The following MAP3K2 variants were observed in gnomAD, a reference collection of about 807,000 sequenced individuals.
MAP3K2 encodes mitogen-activated protein kinase kinase kinase 2.
In MAP3K2, 24 loss-of-function variants were observed where a neutral mutation model predicts 80.3. That is an observed-to-expected ratio of 0.30 (90% CI 0.22 to 0.42). The LOEUF is 0.42. Among genes scored for constraint, MAP3K2 ranks in the 10% least tolerant of loss-of-function variants. MAP3K2 has a pLI of 1.00. For missense variants in MAP3K2, 608 were observed against 750.1 expected (o/e 0.81, Z 2.21); for synonymous variants, 244 against 253.7 (o/e 0.96, Z 0.36).
Position 127,322,387 on chromosome 2 carries a change from T to TG in MAP3K2, c.839-136dup, listed in dbSNP as rs1353190350. On this transcript the variant is annotated intron_variant, in intron 11 of 16. Coordinates refer to ENST00000682094, the MANE Select transcript of MAP3K2 (RefSeq NM_001371910.2). This position sits in a 1 kb window ranked among gnomAD's most constrained non-coding sequence, Gnocchi z 4.2. Reference sequence around the variant, plus strand: ...AGAAACTCAAATAGGAATGATTGGGTGGGAAAAAATAAACAGGATCTGAAT... The same window carrying TG: ...AGAAACTCAAATAGGAATGATTGGGTGGGGAAAAAATAAACAGGATCTGAAT... The TG allele has an allele frequency of 3.3e-6, 2 of 598,126 alleles. No homozygotes were observed. Among genetic ancestry groups the TG allele is most frequent in the Non-Finnish European group, 5.8e-6 (2 of 341,974 alleles). The allele number at this position is 598,126 out of a possible 1,614,324, so 37.1% of individuals were successfully genotyped here.
At position 127,338,915 on chromosome 2, in the gene MAP3K2, C is replaced by T. The variant is rs1224884691; in HGVS notation, c.123+17G>A. ...AAGGAAAGTAATTCATAAAAAAATA[C>T]TTATTAAAATAAATACCTGTTTTTT... On this transcript the variant is annotated intron_variant, in intron 3 of 16. Transcript: ENST00000682094. The T allele has an allele frequency of 2.0e-6, 3 of 1,485,950 alleles. No homozygotes were observed. The highest frequency in any genetic ancestry group is 1.7e-4 in the Middle Eastern group (1 of 5,796). 92.0% of individuals were successfully genotyped at this position (1,485,950 alleles called of 1,614,324 possible).
intron 1 of MAP3K2, among the ~76,000 whole-genome samples, chr2:127,376,009 C>T (rs1213660457): frequency 6.6e-6 from 1 of 152,164 alleles, no homozygotes; most frequent in East Asian, 1.9e-4. Flanking sequence ...GCCTGACAAA[C>T]CTACTGCACA....
intron 12 of MAP3K2, among the ~76,000 whole-genome samples, chr2:127,320,984 G>A (rs1479751003): frequency 6.6e-6 from 1 of 152,182 alleles, no homozygotes; most frequent in South Asian, 2.1e-4. Context: ...TCTGGGCATG[G>A]TGGTGCATGC....
intron 2 of MAP3K2, among the ~76,000 whole-genome samples, chr2:127,341,438 C>T (rs568385195): frequency 1.3e-5 from 2 of 150,884 alleles, no homozygotes; most frequent in Admixed American, 1.3e-4. Context: ...GAGTTCCTTA[C>T]TTGGCGGGCT....
intron 1 of MAP3K2, among the ~76,000 whole-genome samples, chr2:127,367,864 A>G (rs191828611): frequency 6.6e-6 from 1 of 152,380 alleles, no homozygotes; most frequent in African/African-American, 2.4e-5. Context: ...AGAAACTCTC[A>G]AATAATGATA....
intron 15 of MAP3K2, among the ~76,000 whole-genome samples, chr2:127,312,761 G>A (rs1435020907): frequency 4.6e-5 from 7 of 152,042 alleles, no homozygotes; most frequent in Admixed American, 2.0e-4. Flanking sequence ...TTGCGAGTTC[G>A]AGACCAGCCT....
intron 4 of MAP3K2, among the ~76,000 whole-genome samples, chr2:127,336,519 C>T (rs58314051): frequency 0.012 from 1,751 of 152,172 alleles, 32 homozygotes; most frequent in African/African-American, 0.04. Context: ...AGAGCATGCA[C>T]CTAAAGCTTG....
chr2:127,339,724 T>C lies in MAP3K2; in HGVS notation c.5-674A>G, dbSNP rs372684725. Among the ~76,000 whole-genome samples the C allele has an allele frequency of 6.6e-6, 1 of 152,184 alleles. No homozygotes were observed. The highest frequency in any genetic ancestry group is 1.5e-5 in the Non-Finnish European group (1 of 68,024). Reference sequence around the variant, plus strand: ...ATGAACATGAACTTTTAGACTCTTATAAATATACCAAAGATTTCCTTCTGA... The same window carrying C: ...ATGAACATGAACTTTTAGACTCTTACAAATATACCAAAGATTTCCTTCTGA... On this transcript the variant is annotated intron_variant, in intron 2 of 16. Coordinates refer to ENST00000682094, the MANE Select transcript of MAP3K2 (RefSeq NM_001371910.2). This position sits in a 1 kb window ranked among gnomAD's most constrained non-coding sequence, Gnocchi z 4.2.
At chr2:127,347,547 T>C (rs992350537) in intron 1 of MAP3K2, among the ~76,000 whole-genome samples, 2 of 151,992 alleles carry the variant, frequency 1.3e-5, no homozygotes, top group Non-Finnish European at 2.9e-5. Flanking sequence ...AAAATGCAGC[T>C]TGCACTCTAA....
In MAP3K2 at chr2:127,322,376, G is replaced by C; in HGVS notation, c.839-124C>G. On this transcript the variant is annotated intron_variant, in intron 11 of 16. Coordinates refer to ENST00000682094, the MANE Select transcript of MAP3K2 (RefSeq NM_001371910.2). This position sits in a 1 kb window ranked among gnomAD's most constrained non-coding sequence, Gnocchi z 4.2. ...TGACTAGGCTAAGAAACTCAAATAG[G>C]AATGATTGGGTGGGAAAAAATAAAC... is the stretch of plus-strand genomic sequence containing the variant. The C allele has an allele frequency of 1.6e-6, 1 of 607,808 alleles. No individual in the cohort carries two copies. The highest frequency in any genetic ancestry group is 2.9e-6 in the Non-Finnish European group (1 of 349,886). The allele number at this position is 607,808 out of a possible 1,614,324, so 37.7% of individuals were successfully genotyped here.
At chr2:127,314,725 C>T (rs1343742058) in intron 15 of MAP3K2, 29 bp downstream of exon 15, 1 of 1,550,648 alleles carries the variant, frequency 6.4e-7, no homozygotes, top group African/African-American at 1.4e-5. Flanking sequence ...GAACTGTGTA[C>T]TTAAAATAGA....
chr2:127,311,116 C>A (rs564007679), intron 15 of MAP3K2, among the ~76,000 whole-genome samples: 29 of 152,262 alleles, frequency 1.9e-4, no homozygotes, highest in Non-Finnish European at 3.8e-4. Context: ...CCAGCAAATT[C>A]CCCAGTCTAG....
chr2:127,355,624 C>G (rs1410157643), intron 1 of MAP3K2, among the ~76,000 whole-genome samples: 1 of 152,154 alleles, frequency 6.6e-6, no homozygotes, highest in African/African-American at 2.4e-5. Flanking sequence ...ATGTTGATGG[C>G]TCCTGACTGA....
chr2:127,387,411 C>CACACACACACAA, intron 1 of MAP3K2, 41 bp downstream of exon 1: 3 of 920,226 alleles, frequency 3.3e-6, no homozygotes, highest in Non-Finnish European at 3.9e-6. Flanking sequence ...CACACACACA[C>CACACACACACAA]ACACACACAC....
chr2:127,383,391 G>C (rs1687283913), intron 1 of MAP3K2, among the ~76,000 whole-genome samples: 3 of 152,136 alleles, frequency 2.0e-5, no homozygotes, highest in South Asian at 2.1e-4. Context: ...TCTCCTTATA[G>C]AGATCTGTTA....
At chr2:127,329,868 G>A (rs1686216858) in intron 7 of MAP3K2, 53 bp downstream of exon 7, 2 of 998,956 alleles carry the variant, frequency 2.0e-6, no homozygotes, top group Non-Finnish European at 3.2e-6. Context: ...ATTAAAGGAT[G>A]GAGAAGAAAT....
At chr2:127,318,598 A>G (rs1685953786) in intron 12 of MAP3K2, among the ~76,000 whole-genome samples, 1 of 152,168 alleles carries the variant, frequency 6.6e-6, no homozygotes, top group Non-Finnish European at 1.5e-5. Context: ...CTTTCACTCA[A>G]TCTAACATTC....
rs1558971590 is a variant in MAP3K2 at position 127,306,913 on chromosome 2, C to G, written c.*666G>C. On this transcript the variant is annotated 3_prime_UTR_variant, in exon 17 of 17. Transcript: ENST00000682094. This position sits in a 1 kb window ranked among gnomAD's most constrained non-coding sequence, Gnocchi z 4.7. ...AGCTATCCCTCAAGGTTTACAGATT[C>G]CAGTAACGTGGATCTATTATAGTGT... 1.3e-5 allele frequency: 2 copies of G among 151,916 alleles called. No individual in the cohort carries two copies. Among genetic ancestry groups the G allele is most frequent in the African/African-American group, 2.4e-5 (1 of 41,188 alleles). 9.4% of individuals were successfully genotyped at this position (151,916 alleles called of 1,614,324 possible).
intron 12 of MAP3K2, among the ~76,000 whole-genome samples, chr2:127,318,643 C>T (rs139912904): frequency 1.4e-3 from 208 of 152,322 alleles, no homozygotes; most frequent in African/African-American, 4.9e-3. Flanking sequence ...CTATTCTTCA[C>T]TGCAGTAATA....
Sources: gnomAD v4.1 joint callset for allele counts (sites outside exome capture counted in the v4.1 genomes callset) on GRCh38, gnomAD v4.1.1 for gene constraint, Gnocchi (gnomAD v3.1) non-coding constraint, MANE v1.5 for transcripts, NCBI Gene and HGNC (gene_info 2026-07-23, HGNC 2026-07-21) for gene names.